The following DDX27 variants were observed in gnomAD, a reference collection of about 807,000 sequenced individuals.
DDX27 encodes the protein probable ATP-dependent RNA helicase DDX27.
A neutral mutation model predicts 99.3 loss-of-function variants in DDX27; 42 were observed. That is an observed-to-expected ratio of 0.42 (90% confidence interval 0.33 to 0.55). The LOEUF (loss-of-function observed/expected upper bound fraction) is 0.55. Among genes scored for constraint, DDX27 ranks in the 20% least tolerant of loss-of-function variants. DDX27 has a pLI of 0.07. For synonymous variants in DDX27, 329 were observed against 353.8 expected, an observed-to-expected ratio of 0.93 and a Z score of 0.79; for missense variants, 798 against 976.8, an observed-to-expected ratio of 0.82 and a Z score of 2.44.
chr20:49,240,843 C>T (rs1980454934), intron 16 of DDX27, among the ~76,000 whole-genome samples: 2 of 151,978 alleles, frequency 1.3e-5, no homozygotes, highest in Admixed American at 6.6e-5. Flanking sequence ...GGCAAAACCC[C>T]ATCTCTACTA....
Position 49,223,331 on chromosome 20 carries a change from A to G in DDX27, c.364A>G (p.Lys122Glu), listed in dbSNP as rs1273821909. ...AGAAGCAAAGGAAGGCTCTGAACCA[A>G]AGGAGCAGGAAGACCTTCAAGAGAA... Reference protein sequence around the residue: ...EKEAKEGSEPKEQEDLQENDE... With the variant: ...EKEAKEGSEPEEQEDLQENDE... Residue 122 changes from lysine to glutamate, a missense_variant, in exon 4 of 21, where the codon AAG becomes GAG. By Grantham distance (56) the Lys-to-Glu change is moderately conservative. Coordinates refer to ENST00000618172, the MANE Select transcript of DDX27 (RefSeq NM_017895.8). 1 of 1,614,120 alleles carries G rather than the reference A, an allele frequency of 6.2e-7. No individual in the cohort carries two copies. Among genetic ancestry groups the G allele is most frequent in the Admixed American group, 1.7e-5 (1 of 59,980 alleles).
intron 7 of DDX27, among the ~76,000 whole-genome samples, chr20:49,227,084 G>A (rs1031886497): frequency 1.3e-5 from 2 of 149,768 alleles, no homozygotes; most frequent in Admixed American, 1.3e-4. Context: ...GGATGGTCTT[G>A]ATCTCCTGAC....
chr20:49,236,520 C>T lies in DDX27; in HGVS notation c.1687+10C>T, dbSNP rs760709571. The T allele has an allele frequency of 1.3e-6, 2 of 1,564,130 alleles. No homozygotes were observed. The highest frequency in any genetic ancestry group is 2.3e-5 in the East Asian group (1 of 43,276). The stretch of plus-strand genomic sequence containing the variant: ...AGGATACTTCCCCAAGGTGAGCAGG[C>T]ACCCCTGTGGCAGTGCAGAATGGCT... On this transcript the variant is annotated intron_variant, in intron 14 of 20. Coordinates refer to ENST00000618172, the MANE Select transcript of DDX27 (RefSeq NM_017895.8). This position sits in a 1 kb window ranked among gnomAD's most constrained non-coding sequence, Gnocchi z 4.1.
At chr20:49,234,077 A>G in intron 11 of DDX27, 1 of 205,598 alleles carries the variant, frequency 4.9e-6, no homozygotes, top group Non-Finnish European at 1.0e-5. Flanking sequence ...ATTTACAATG[A>G]TTGCTTGCAG....
At chr20:49,220,476 A>G (rs1979612499) in intron 1 of DDX27, among the ~76,000 whole-genome samples, 1 of 152,206 alleles carries the variant, frequency 6.6e-6, no homozygotes, top group African/African-American at 2.4e-5. Context: ...TCTGCGATAC[A>G]GTCACGTTAG....
intron 8 of DDX27, among the ~76,000 whole-genome samples, chr20:49,229,588 A>G (rs1055598534): frequency 1.3e-5 from 2 of 151,928 alleles, no homozygotes; most frequent in Non-Finnish European, 2.9e-5. Flanking sequence ...GTCTCCCTGT[A>G]ACAGACACCT....
In DDX27 at chr20:49,236,416, C is replaced by G. The variant is rs1315864503; in HGVS notation, c.1593C>G (p.Arg531=). The G allele has an allele frequency of 1.2e-6, 2 of 1,613,218 alleles. No individual in the cohort carries two copies. Among genetic ancestry groups the G allele is most frequent in the Non-Finnish European group, 1.7e-6 (2 of 1,179,670 alleles). The part of the protein sequence containing the change: ...GRTARAGRAG[R]SVSLVGEDER... ...CAGCACGTGCTGGCAGGGCTGGGCG[C>G]TCAGTCTCTCTGGTGGGAGAAGATG... Residue 531 remains arginine (R), a synonymous_variant, in exon 14 of 21, where the codon CGC becomes CGG. Transcript: ENST00000618172. This position sits in a 1 kb window ranked among gnomAD's most constrained non-coding sequence, Gnocchi z 4.1.
chr20:49,226,827 A>G (rs1979906528), intron 7 of DDX27, among the ~76,000 whole-genome samples: 1 of 138,402 alleles, frequency 7.2e-6, no homozygotes, highest in Non-Finnish European at 1.6e-5. Context: ...CACAAAAAAG[A>G]TATACTGGTG....
At position 49,224,975 on chromosome 20, in the gene DDX27, A is replaced by G. The variant is rs1427396786; in HGVS notation, c.497A>G (p.Lys166Arg). Residue 166 changes from lysine to arginine, a missense_variant, in exon 5 of 21, where the codon AAG becomes AGG. Transcript: ENST00000618172. ...DTLKVKDRKK[K>R]KKKGQEAGGF... ...CTCAAAGTAAAGGATCGGAAGAAGA[A>G]GAAGAAGAAAGGACAGGTGAGCTTG... is the stretch of plus-strand genomic sequence containing the variant. 6 of 1,614,220 alleles carry G rather than the reference A, an allele frequency of 3.7e-6. No individual in the cohort carries two copies. Among genetic ancestry groups the G allele is most frequent in the Non-Finnish European group, 5.1e-6 (6 of 1,180,042 alleles).
chr20:49,236,162 T>C lies in DDX27; in HGVS notation c.1440T>C (p.Asp480=). The C allele has an allele frequency of 1.2e-6, 2 of 1,611,772 alleles. No individual in the cohort carries two copies. The highest frequency in any genetic ancestry group is 1.7e-6 in the Non-Finnish European group (2 of 1,179,016). Residue 480 remains aspartate (D), a synonymous_variant, in exon 13 of 21, where the codon GAT becomes GAC. Transcript: ENST00000618172. This position sits in a 1 kb window ranked among gnomAD's most constrained non-coding sequence, Gnocchi z 4.1. ...QRLEALRRFK[D]EQIDILVATD... ...TGACTGTTTCTAGGCGTTTTAAGGA[T>C]GAACAGATTGACATCCTCGTGGCCA...
At chr20:49,235,129 TG>T (rs768632300) in intron 12 of DDX27, 41 bp downstream of exon 12, 7 of 1,549,792 alleles carry the variant, frequency 4.5e-6, no homozygotes, top group Non-Finnish European at 6.1e-6. Context: ...ACCATCCTTC[TG>T]GGGCAGAGAG....
chr20:49,223,176 C>T (rs969354572), intron 3 of DDX27, 92 bp from the exon 4 acceptor site: 15 of 1,429,556 alleles, frequency 1.0e-5, no homozygotes, highest in Admixed American at 4.5e-5. Context: ...TCCCCACAGC[C>T]GTTCATTCAG....
At chr20:49,229,878 T>C (rs1301653645) in intron 8 of DDX27, among the ~76,000 whole-genome samples, 1 of 152,060 alleles carries the variant, frequency 6.6e-6, no homozygotes, top group Non-Finnish European at 1.5e-5. Context: ...ATTCCTGACC[T>C]GAGGTGATCC....
intron 1 of DDX27, 60 bp downstream of exon 1, chr20:49,219,601 C>T: frequency 6.6e-7 from 1 of 1,510,668 alleles, no homozygotes; most frequent in East Asian, 2.5e-5. Flanking sequence ...CGCGATTCCT[C>T]AGGTCCCTGT....
chr20:49,221,355 T>C, intron 1 of DDX27, 97 bp from the exon 2 acceptor site: 1 of 1,455,544 alleles, frequency 6.9e-7, no homozygotes, highest in Non-Finnish European at 9.5e-7. Context: ...CCTAAAGTGC[T>C]GGGATTACAG....
Position 49,230,316 on chromosome 20 carries a change from G to T in DDX27, c.998G>T (p.Ser333Ile). Residue 333 changes from serine to isoleucine, a missense_variant, in exon 9 of 21, where the codon AGC becomes ATC. Coordinates refer to ENST00000618172, the MANE Select transcript of DDX27 (RefSeq NM_017895.8). ...AACTGCCCTTCCTTCCACCTGAGCA[G>T]CATCGAGGTGCTCATCCTGGACGAG... ...LHNCPSFHLS[S>I]IEVLILDEAD... 2 of 1,610,848 alleles carry T rather than the reference G, an allele frequency of 1.2e-6. No homozygotes were observed. The highest frequency in any genetic ancestry group is 1.7e-6 in the Non-Finnish European group (2 of 1,179,938).
intron 7 of DDX27, among the ~76,000 whole-genome samples, chr20:49,226,857 C>CTGTTTTTTT (rs1979908469): frequency 4.7e-5 from 3 of 63,460 alleles, no homozygotes; most frequent in Non-Finnish European, 8.3e-5. Flanking sequence ...GAGTAAAGGA[C>CTGTTTTTTT]TTTTTTTTTT....
rs370574518 is a variant in DDX27 at position 49,234,883 on chromosome 20, G to A, written c.1274-52G>A. 242 of 1,538,330 alleles carry A rather than the reference G, an allele frequency of 1.6e-4. No homozygotes were observed. In the African/African-American group the frequency reaches 2.7e-3, roughly 17 times the overall value. ...CTTTGTGGATGAGGAGGGGGTACAT[G>A]TTGAATAAGAGCCTAGAAACAGCTG... On this transcript the variant is annotated intron_variant, in intron 11 of 20. Transcript: ENST00000618172.
chr20:49,228,191 AGAGTGCAGT>A (rs1979969343), intron 7 of DDX27, among the ~76,000 whole-genome samples: 1 of 149,638 alleles, frequency 6.7e-6, no homozygotes, highest in Non-Finnish European at 1.5e-5. Context: ...CACCCAGGCT[AGAGTGCAGT>A]GGTGCGTTCT....
Sources: allele counts gnomAD v4.1 joint callset (sites outside exome capture counted in the v4.1 genomes callset), GRCh38; gene constraint gnomAD v4.1.1; non-coding constraint Gnocchi (gnomAD v3.1); transcripts MANE v1.5; gene names NCBI Gene and HGNC (gene_info 2026-07-23, HGNC 2026-07-21).